Variants in ADCY3 observed in about 807,000 individuals in gnomAD.
The protein encoded by ADCY3 is adenylate cyclase 3.
ADCY3 carries 70 observed loss-of-function variants against 119.4 expected under a neutral mutation model. The ratio of observed to expected loss-of-function variants is 0.59; its 90% CI spans 0.48 to 0.72. The LOEUF is 0.72. ADCY3 is among the 30% of genes least tolerant of loss of function. The pLI is 0.00. For synonymous variants in ADCY3, 672 were observed against 621.4 expected, an observed-to-expected ratio of 1.08 and a Z score of -1.21; for missense variants, 1,238 against 1,541.6, an observed-to-expected ratio of 0.80 and a Z score of 3.30.
chr2:24,834,743 G>A lies in ADCY3; in HGVS notation c.1805+51C>T. On this transcript the variant is annotated intron_variant, in intron 10 of 21. Transcript: ENST00000679454. The surrounding 1 kb of genome is among the most constrained non-coding windows in gnomAD (Gnocchi z 4.2). ...GGATGCTCAGTTTCCTGAATCCCTT[G>A]TCAGGGCCCGGGAGGAGTGGTGGGC... 1 of 1,601,658 alleles carries A rather than the reference G, an allele frequency of 6.2e-7. No homozygotes were observed. Among genetic ancestry groups the A allele is most frequent in the South Asian group, 1.1e-5 (1 of 90,788 alleles).
rs1322105584 is a variant in ADCY3, at chr2:24,874,024, GACA to G, written c.676-1308_676-1306del. Among the ~76,000 whole-genome samples, 11 of 152,208 alleles carry G rather than the reference GACA, an allele frequency of 7.2e-5. No individual in the cohort carries two copies. The East Asian group carries it at 1.7e-3, about 24-fold the overall frequency. The stretch of plus-strand genomic sequence containing the variant: ...TATTTTTAAACAAGATGGTCTAACA[GACA>G]ACAAGGGAAGCTGGTTCTCACATGA... On this transcript the variant is annotated intron_variant, in intron 2 of 21. Coordinates refer to ENST00000679454, the MANE Select transcript of ADCY3 (RefSeq NM_004036.5).
rs200131223 is a variant in ADCY3 at position 24,890,615 on chromosome 2, C to CT, written c.676-17897dup. ...GTTTATGACATCATCTTATGACTCT[C>CT]TGAGTGTCTGTATGATCTGTATTCA... On this transcript the variant is annotated intron_variant, in intron 2 of 21. Coordinates refer to ENST00000679454, the MANE Select transcript of ADCY3 (RefSeq NM_004036.5). Among the ~76,000 whole-genome samples, 138 of 152,312 alleles carry CT rather than the reference C, an allele frequency of 9.1e-4. 1 individual carries two copies. The East Asian group carries it at 0.022, about 25-fold the overall frequency.
intron 3 of ADCY3, among the ~76,000 whole-genome samples, chr2:24,867,836 T>C (rs1674489021): frequency 6.6e-6 from 1 of 152,124 alleles, no homozygotes; most frequent in Non-Finnish European, 1.5e-5. Flanking sequence ...AATAAGGACT[T>C]GTGGGGTTTA....
At chr2:24,849,439 C>T (rs1031777886) in intron 3 of ADCY3, among the ~76,000 whole-genome samples, 5 of 152,312 alleles carry the variant, frequency 3.3e-5, no homozygotes, top group African/African-American at 9.6e-5. Context: ...ATGAGTGAAG[C>T]GGCCGTGAGC....
chr2:24,831,555 C>G (rs1296644634), intron 12 of ADCY3, 107 bp downstream of exon 12: 2 of 885,838 alleles, frequency 2.3e-6, no homozygotes, highest in Admixed American at 2.0e-5. Context: ...AGAGGAGTGT[C>G]TGCCTGTCAG....
chr2:24,828,220 CAG>C lies in ADCY3; in HGVS notation c.2173-61_2173-60del, dbSNP rs1401087557. On this transcript the variant is annotated intron_variant, in intron 13 of 21. Coordinates refer to ENST00000679454, the MANE Select transcript of ADCY3 (RefSeq NM_004036.5). ...TCAAGAGAACAGCAGGTGCTGGTCA[CAG>C]AGGGCTGTGCATGGTAGTGCACGCT... 1.9e-6 allele frequency: 3 copies of C among 1,594,208 alleles called. No homozygotes were observed. The East Asian group carries it at 6.7e-5, about 36-fold the overall frequency.
chr2:24,875,368 TG>T (rs1440188569), intron 2 of ADCY3, among the ~76,000 whole-genome samples: 1 of 152,138 alleles, frequency 6.6e-6, no homozygotes, highest in East Asian at 1.9e-4. Context: ...CCACCCCCCG[TG>T]GGTGTAGCTG....
intron 3 of ADCY3, among the ~76,000 whole-genome samples, chr2:24,854,747 T>TA (rs1371486746): frequency 6.6e-6 from 1 of 151,192 alleles, no homozygotes; most frequent in Non-Finnish European, 1.5e-5. Context: ...GAGATGCTGT[T>TA]AGATTTAAAA....
At chr2:24,845,356 G>A (rs558089378) in intron 3 of ADCY3, among the ~76,000 whole-genome samples, 12 of 152,354 alleles carry the variant, frequency 7.9e-5, no homozygotes, top group South Asian at 6.2e-4. Context: ...TGCTGTTAGT[G>A]ATACGAACAA....
chr2:24,867,989 T>C lies in ADCY3; in HGVS notation c.825+4581A>G, dbSNP rs529799032. 2.6e-4 allele frequency among the ~76,000 whole-genome samples: 39 copies of C among 152,308 alleles called. 2 individuals carry two copies. Among genetic ancestry groups the C allele is most frequent in the Admixed American group, 5.9e-4 (9 of 15,296 alleles). On this transcript the variant is annotated intron_variant, in intron 3 of 21. Transcript: ENST00000679454. ...ATTTGGGGCAGATGCAAATATGACA[T>C]AGTTGACATTATTTCATTTTTTAAA... is the stretch of plus-strand genomic sequence containing the variant.
rs747701709 is a variant in ADCY3 at position 24,827,574 on chromosome 2, A to G, written c.2467T>C (p.Phe823Leu). ...PMVALEQMQG[F>L]NPGLNGTDRL... The stretch of plus-strand genomic sequence containing the variant: ...TCAGTGCCATTGAGCCCAGGGTTGA[A>G]TCCTTGCATCTGCTCTAAGGCCACC... The change falls in exon 15 of 22, where the codon TTC becomes CTC. Residue 823 changes from phenylalanine (F) to leucine (L), a missense_variant. This residue lies in a region of ADCY3 where 499 missense variants were observed against 571.0 expected (regional missense o/e 0.87). Transcript: ENST00000679454. 2 of 1,589,564 alleles carry G rather than the reference A, an allele frequency of 1.3e-6. No homozygotes were observed.
intron 3 of ADCY3, among the ~76,000 whole-genome samples, chr2:24,870,003 C>T (rs565001855): frequency 1.3e-5 from 2 of 152,050 alleles, no homozygotes; most frequent in South Asian, 4.2e-4. Flanking sequence ...CACATAGATT[C>T]CTTCTTACCC....
At position 24,911,217 on chromosome 2, in the gene ADCY3, C is replaced by CTTT. The variant is rs61442701; in HGVS notation, c.675+7093_675+7095dup. On this transcript the variant is annotated intron_variant, in intron 2 of 21. Coordinates refer to ENST00000679454, the MANE Select transcript of ADCY3 (RefSeq NM_004036.5). ...GGCTCCGAGGGAAGATATAAGGGTT[C>CTTT]TTTTTTTTTTTTTTTTTTTTTTTGA... is the stretch of plus-strand genomic sequence containing the variant. Among the ~76,000 whole-genome samples the CTTT allele has an allele frequency of 1.9e-3, 177 of 93,458 alleles. 1 individual carries two copies. Among genetic ancestry groups the CTTT allele is most frequent in the African/African-American group, 3.3e-3 (68 of 20,902 alleles). The allele number at this position is 93,458 out of a possible 152,430, so 61.3% of individuals were successfully genotyped here.
rs190125602 is a variant in ADCY3, at chr2:24,827,948, G to A, written c.2386C>T (p.Arg796Cys). ...TGGTCGTATTCATCAAAGACGGGAC[G>A]CCAGGCATAGAGGTTGATGGTGGCC... ...AVATINLYAWRPVFDEYDHKR... is the reference protein window; with the variant it reads ...AVATINLYAWCPVFDEYDHKR... Residue 796 changes from arginine (R) to cysteine (C), a missense_variant, in exon 14 of 22, where the codon CGT becomes TGT. Arg to Cys is a radical substitution (Grantham distance 180). Transcript: ENST00000679454. 1.1e-5 allele frequency: 17 copies of A among 1,614,240 alleles called. No individual in the cohort carries two copies. The highest frequency in any genetic ancestry group is 1.6e-4 in the Middle Eastern group (1 of 6,062).
intron 2 of ADCY3, among the ~76,000 whole-genome samples, chr2:24,893,748 C>T (rs962226944): frequency 1.3e-5 from 2 of 152,032 alleles, no homozygotes; most frequent in Admixed American, 1.3e-4. Context: ...GCTGGGACTA[C>T]AGGCACACAC....
rs756228836 is a variant in ADCY3 at position 24,918,597 on chromosome 2, G to T, written c.391C>A (p.Pro131Thr). The change falls in exon 2 of 22, where the codon CCG becomes ACG. Residue 131 changes from proline (P) to threonine (T), a missense_variant. Pro to Thr is a conservative substitution (Grantham distance 38). This residue lies in a region of ADCY3 where 227 missense variants were observed against 249.3 expected (regional missense o/e 0.91). Coordinates refer to ENST00000679454, the MANE Select transcript of ADCY3 (RefSeq NM_004036.5). This position sits in a 1 kb window ranked among gnomAD's most constrained non-coding sequence, Gnocchi z 5.4. ...AGCACTCTGCGGGTGACCCGGTCCG[G>T]GAGCAGCCCCTTTTTGCAGAGCACG... The part of the protein sequence containing the change: ...LFVLCKKGLL[P>T]DRVTRRVLPY... The T allele has an allele frequency of 6.2e-7, 1 of 1,614,130 alleles. No individual in the cohort carries two copies. The highest frequency in any genetic ancestry group is 1.7e-5 in the Admixed American group (1 of 60,020).
At position 24,878,283 on chromosome 2, in the gene ADCY3, TCCTC is replaced by T. The variant is rs898276265; in HGVS notation, c.676-5568_676-5565del. Among the ~76,000 whole-genome samples the T allele has an allele frequency of 1.3e-4, 20 of 152,018 alleles. No homozygotes were observed. Among genetic ancestry groups the T allele is most frequent in the African/African-American group, 4.3e-4 (18 of 41,384 alleles). On this transcript the variant is annotated intron_variant, in intron 2 of 21. Coordinates refer to ENST00000679454, the MANE Select transcript of ADCY3 (RefSeq NM_004036.5). The surrounding 1 kb of genome is among the most constrained non-coding windows in gnomAD (Gnocchi z 4.0). ...ACCATGAGAACATTCCTTTACAAAA[TCCTC>T]CCTCCTGGAAGTTTACGCATCGCAA...
chr2:24,856,166 G>A (rs1289875891), intron 3 of ADCY3, among the ~76,000 whole-genome samples: 1 of 152,196 alleles, frequency 6.6e-6, no homozygotes, highest in Non-Finnish European at 1.5e-5. Flanking sequence ...CTGGGAATGA[G>A]TGTGAATGTG....
At chr2:24,896,333 C>T (rs139430713) in intron 2 of ADCY3, among the ~76,000 whole-genome samples, 128 of 151,992 alleles carry the variant, frequency 8.4e-4, no homozygotes, top group Admixed American at 3.5e-3. Context: ...TGCAGTGAGC[C>T]GAGATCGTGC....
Sources: gnomAD v4.1 joint callset for allele counts (sites outside exome capture counted in the v4.1 genomes callset) on GRCh38, gnomAD v4.1.1 for gene constraint, gnomAD v4.1.1 regional missense constraint, Gnocchi (gnomAD v3.1) non-coding constraint, MANE v1.5 for transcripts, NCBI Gene and HGNC (gene_info 2026-07-23, HGNC 2026-07-21) for gene names.